CNTNAP5: variants seen among roughly 807,000 people sequenced by gnomAD.
CNTNAP5 encodes contactin associated protein family member 5, also known as contactin-associated protein-like 5.
A neutral mutation model predicts 150.2 loss-of-function variants in CNTNAP5; 72 were observed. The observed-to-expected ratio is 0.48, with a 90% CI of 0.40 to 0.58. CNTNAP5 has a LOEUF of 0.58. Ranked by LOEUF, CNTNAP5 falls within the 20% of genes least tolerant of loss-of-function variation. The pLI, the probability that CNTNAP5 is intolerant of heterozygous loss-of-function variation, is 0.00. For missense variants in CNTNAP5, 1,636 were observed against 1,626.2 expected (o/e 1.01, Z -0.10); for synonymous variants, 672 against 619.8 (o/e 1.08, Z -1.25).
intron 13 of CNTNAP5, among the ~76,000 whole-genome samples, chr2:124,661,649 C>T (rs1392219102): frequency 6.6e-6 from 1 of 151,770 alleles, no homozygotes; most frequent in Non-Finnish European, 1.5e-5. Context: ...GGAACATAGT[C>T]ATTTATTATT....
At chr2:124,628,377 C>T (rs532977953) in intron 12 of CNTNAP5, among the ~76,000 whole-genome samples, 1 of 152,280 alleles carries the variant, frequency 6.6e-6, no homozygotes, top group East Asian at 1.9e-4. Flanking sequence ...TCAGTAGAAA[C>T]TGTACAAACC....
chr2:124,198,345 T>A (rs1351566830), intron 1 of CNTNAP5, among the ~76,000 whole-genome samples: 5 of 152,172 alleles, frequency 3.3e-5, no homozygotes, highest in Non-Finnish European at 5.9e-5. Flanking sequence ...TGGCCTAGAT[T>A]TTTACTCCCT....
chr2:124,431,869 C>T (rs1411452368), intron 4 of CNTNAP5, among the ~76,000 whole-genome samples: 2 of 152,030 alleles, frequency 1.3e-5, no homozygotes, highest in East Asian at 3.9e-4. Context: ...TAACCCCAGT[C>T]AGACACCTGG....
chr2:124,065,706 C>T (rs1682135494), intron 1 of CNTNAP5, among the ~76,000 whole-genome samples: 1 of 152,124 alleles, frequency 6.6e-6, no homozygotes, highest in East Asian at 1.9e-4. Flanking sequence ...AATGGCTGTA[C>T]CAACCAACAG....
intron 6 of CNTNAP5, among the ~76,000 whole-genome samples, chr2:124,451,813 G>A (rs149505866): frequency 3.3e-5 from 5 of 152,188 alleles, no homozygotes; most frequent in African/African-American, 4.8e-5. Flanking sequence ...TCTAGATTAC[G>A]GGAGAAGATT....
At chr2:124,214,876 T>A (rs1292800344) in intron 1 of CNTNAP5, among the ~76,000 whole-genome samples, 1 of 152,110 alleles carries the variant, frequency 6.6e-6, no homozygotes, top group Non-Finnish European at 1.5e-5. Flanking sequence ...TGGAAATGAG[T>A]GTCAGGATAG....
chr2:124,844,298 C>T (rs1173680364), intron 19 of CNTNAP5, among the ~76,000 whole-genome samples: 2 of 151,910 alleles, frequency 1.3e-5, no homozygotes, highest in Admixed American at 1.3e-4. Flanking sequence ...TTTTTGTTTG[C>T]TTTGTTGAAG....
intron 11 of CNTNAP5, among the ~76,000 whole-genome samples, chr2:124,605,423 C>T (rs2104978628): frequency 6.6e-6 from 1 of 152,286 alleles, no homozygotes; most frequent in Non-Finnish European, 1.5e-5. Context: ...TTGAAAGTTT[C>T]TGCAATGAGA....
chr2:124,056,542 C>T (rs138872329), intron 1 of CNTNAP5, among the ~76,000 whole-genome samples: 1,523 of 152,182 alleles, frequency 0.01, 25 homozygotes, highest in African/African-American at 0.035. Flanking sequence ...GCTACTCAGG[C>T]GGCTGAGGCA....
chr2:124,644,843 G>A (rs73955540), intron 12 of CNTNAP5, among the ~76,000 whole-genome samples: 2,735 of 152,006 alleles, frequency 0.018, 54 homozygotes, highest in African/African-American at 0.048. Context: ...CCTGTCCCTC[G>A]TACAGTGTTT....
intron 3 of CNTNAP5, among the ~76,000 whole-genome samples, chr2:124,368,434 T>C (rs1690431045): frequency 6.6e-6 from 1 of 152,138 alleles, no homozygotes. Flanking sequence ...ATTTTGGCAA[T>C]ATCTACCAAA....
chr2:124,132,871 G>A (rs1316990594), intron 1 of CNTNAP5, among the ~76,000 whole-genome samples: 5 of 152,072 alleles, frequency 3.3e-5, no homozygotes. Flanking sequence ...CTTACCAACT[G>A]TACTAATGAA....
chr2:124,777,756 A>G (rs952650634), intron 17 of CNTNAP5, among the ~76,000 whole-genome samples: 6 of 149,022 alleles, frequency 4.0e-5, no homozygotes, highest in Admixed American at 1.3e-4. Context: ...ACAATGGACA[A>G]TTGAAGCAGA....
At chr2:124,420,465 T>C (rs1692073788) in intron 4 of CNTNAP5, among the ~76,000 whole-genome samples, 1 of 152,144 alleles carries the variant, frequency 6.6e-6, no homozygotes, top group South Asian at 2.1e-4. Flanking sequence ...TTACCTCCCT[T>C]CACACTGCAA....
At chr2:124,085,015 G>A (rs1157668876) in intron 1 of CNTNAP5, among the ~76,000 whole-genome samples, 3 of 131,298 alleles carry the variant, frequency 2.3e-5, no homozygotes, top group Non-Finnish European at 3.1e-5. Context: ...TCTGCCTCCC[G>A]GGTTGAAGCA....
intron 3 of CNTNAP5, among the ~76,000 whole-genome samples, chr2:124,401,442 A>G (rs1295733646): frequency 6.6e-6 from 1 of 152,230 alleles, no homozygotes; most frequent in African/African-American, 2.4e-5. Context: ...TCAGACACTT[A>G]TCATTATCAT....
At chr2:124,424,297 C>T (rs1692190163) in intron 4 of CNTNAP5, among the ~76,000 whole-genome samples, 2 of 152,266 alleles carry the variant, frequency 1.3e-5, no homozygotes, top group South Asian at 4.1e-4. Flanking sequence ...CATGCTAAGG[C>T]CCATACAGCC....
At chr2:124,297,931 G>A (rs112447097) in intron 3 of CNTNAP5, among the ~76,000 whole-genome samples, 6 of 151,294 alleles carry the variant, frequency 4.0e-5, no homozygotes, top group Admixed American at 2.0e-4. Flanking sequence ...TGCAACCTCC[G>A]CCTCCCGGGT....
At chr2:124,153,921 T>C (rs565697260) in intron 1 of CNTNAP5, among the ~76,000 whole-genome samples, 1 of 152,022 alleles carries the variant, frequency 6.6e-6, no homozygotes, top group South Asian at 2.1e-4. Flanking sequence ...CCCTGGGGCT[T>C]TTTTTCTTTT....
Sources: gnomAD v4.1 joint callset for allele counts (sites outside exome capture counted in the v4.1 genomes callset) on GRCh38, gnomAD v4.1.1 for gene constraint, MANE v1.5 for transcripts, NCBI Gene and HGNC (gene_info 2026-07-23, HGNC 2026-07-21) for gene names.